Variants in XPNPEP3 observed in about 807,000 individuals in gnomAD.
The protein encoded by XPNPEP3 is xaa-Pro aminopeptidase 3.
In XPNPEP3, 41 loss-of-function variants were observed where a neutral mutation model predicts 60.0. The ratio of observed to expected loss-of-function variants is 0.68; its 90% CI spans 0.53 to 0.89. XPNPEP3 has a LOEUF of 0.89. Ranked by LOEUF, XPNPEP3 falls within the 40% of genes least tolerant of loss-of-function variation. XPNPEP3 has a pLI of 0.00. For synonymous variants in XPNPEP3, 212 were observed against 223.2 expected, an observed-to-expected ratio of 0.95 and a Z score of 0.45; for missense variants, 598 against 638.9, an observed-to-expected ratio of 0.94 and a Z score of 0.69.
In XPNPEP3 at chr22:40,932,235, G is replaced by A. The variant is rs1029352092; in HGVS notation, c.*5800G>A. On this transcript the variant is annotated 3_prime_UTR_variant, in exon 10 of 10. Coordinates refer to ENST00000357137, the MANE Select transcript of XPNPEP3 (RefSeq NM_022098.4). The stretch of plus-strand genomic sequence containing the variant: ...CCCTCAACTAGTGTCTGATAGCTGA[G>A]AATGTAATTCGTTTGTGTGTCTATT... 6.6e-6 allele frequency: 1 copy of A among 152,098 alleles called. No individual in the cohort carries two copies. Among genetic ancestry groups the A allele is most frequent in the Non-Finnish European group, 1.5e-5 (1 of 68,036 alleles). 9.4% of individuals were successfully genotyped at this position (152,098 alleles called of 1,614,324 possible). A position where few individuals can be genotyped will look rare whatever the true frequency, so the allele number is the denominator to read the frequency against.
At chr22:40,878,680 G>C (rs1018789604) in intron 2 of XPNPEP3, among the ~76,000 whole-genome samples, 1 of 151,284 alleles carries the variant, frequency 6.6e-6, no homozygotes, top group African/African-American at 2.4e-5. Context: ...TCTGCCTCCT[G>C]GGTTTAAGCA....
intron 3 of XPNPEP3, among the ~76,000 whole-genome samples, chr22:40,884,915 C>G (rs1185216651): frequency 6.6e-6 from 1 of 151,544 alleles, no homozygotes; most frequent in Non-Finnish European, 1.5e-5. Context: ...GTAATCCCAG[C>G]TACTTGGGAG....
At chr22:40,875,742 G>A (rs557972926) in intron 2 of XPNPEP3, among the ~76,000 whole-genome samples, 6 of 151,976 alleles carry the variant, frequency 3.9e-5, no homozygotes, top group East Asian at 1.9e-4. Context: ...GGCTGGGCAC[G>A]GTGTCTCACA....
chr22:40,868,657 C>G (rs1034871048), intron 1 of XPNPEP3, among the ~76,000 whole-genome samples: 3 of 152,008 alleles, frequency 2.0e-5, no homozygotes, highest in Non-Finnish European at 4.4e-5. Context: ...GAGTTCGAGA[C>G]CAGCCTGGCC....
chr22:40,862,159 A>G (rs2057954208), intron 1 of XPNPEP3: 3 of 1,429,564 alleles, frequency 2.1e-6, no homozygotes, highest in Non-Finnish European at 2.7e-6. Flanking sequence ...GATACTGATT[A>G]TGTGGCAAGC....
intron 2 of XPNPEP3, among the ~76,000 whole-genome samples, chr22:40,871,052 A>C (rs1692533570): frequency 6.6e-6 from 1 of 151,904 alleles, no homozygotes; most frequent in African/African-American, 2.4e-5. Context: ...AAAAAATTTA[A>C]AGGCATGTAA....
At chr22:40,902,618 C>T (rs1465035967) in intron 4 of XPNPEP3, among the ~76,000 whole-genome samples, 2 of 152,064 alleles carry the variant, frequency 1.3e-5, no homozygotes, top group African/African-American at 2.4e-5. Flanking sequence ...CTCCTGACCT[C>T]GTGATCCGCC....
At chr22:40,871,938 C>CA (rs1241058027) in intron 2 of XPNPEP3, among the ~76,000 whole-genome samples, 1 of 152,114 alleles carries the variant, frequency 6.6e-6, no homozygotes, top group Admixed American at 6.5e-5. Flanking sequence ...GAGGCTGAGG[C>CA]AGGAGAATCA....
intron 1 of XPNPEP3, chr22:40,861,917 C>A: frequency 6.2e-7 from 1 of 1,613,578 alleles, no homozygotes; most frequent in Non-Finnish European, 8.5e-7. Flanking sequence ...ATTTAAGTGC[C>A]ACTTTATGAT....
intron 2 of XPNPEP3, among the ~76,000 whole-genome samples, chr22:40,871,768 C>T (rs1287306916): frequency 1.3e-5 from 2 of 152,112 alleles, no homozygotes; most frequent in Admixed American, 1.3e-4. Flanking sequence ...GGCGCGGTGG[C>T]TCACACCTGT....
At chr22:40,901,299 A>G (rs976059911) in intron 4 of XPNPEP3, among the ~76,000 whole-genome samples, 37 of 143,022 alleles carry the variant, frequency 2.6e-4, no homozygotes, top group African/African-American at 9.2e-4. Context: ...CAATGGCCCA[A>G]TCTCTGCTCA....
At chr22:40,885,300 T>C (rs2058064420) in intron 3 of XPNPEP3, among the ~76,000 whole-genome samples, 1 of 152,158 alleles carries the variant, frequency 6.6e-6, no homozygotes, top group Non-Finnish European at 1.5e-5. Flanking sequence ...TGTAGCCTAC[T>C]GTTAGAAAAA....
Position 40,924,444 on chromosome 22 carries a change from T to G in XPNPEP3, c.1319T>G (p.Leu440Arg), listed in dbSNP as rs2058227774. ...VHDTPDMPRSLPLQPGMVITI... is the reference protein window; with the variant it reads ...VHDTPDMPRSRPLQPGMVITI... ...GACACTCCAGACATGCCCCGTTCCC[T>G]CCCTCTGCAGCCTGGGATGGTAATC... Residue 440 changes from leucine (L) to arginine (R), a missense_variant, in exon 9 of 10, where the codon CTC (leucine) becomes CGC (arginine). Transcript: ENST00000357137. 1 of 1,614,040 alleles carries G rather than the reference T, an allele frequency of 6.2e-7. No individual in the cohort carries two copies. Among genetic ancestry groups the G allele is most frequent in the Admixed American group, 1.7e-5 (1 of 59,986 alleles).
chr22:40,891,179 CAAAA>C (rs989825018), intron 4 of XPNPEP3, among the ~76,000 whole-genome samples: 2 of 43,954 alleles, frequency 4.6e-5, no homozygotes, highest in South Asian at 8.5e-4. Flanking sequence ...CCCATTTCTA[CAAAA>C]AAAAAAAAAA....
At position 40,869,096 on chromosome 22, in the gene XPNPEP3, C is replaced by T. The variant is rs571022603; in HGVS notation, c.162C>T (p.His54=). 1.2e-6 allele frequency: 2 copies of T among 1,613,966 alleles called. No homozygotes were observed. The highest frequency in any genetic ancestry group is 1.3e-5 in the African/African-American group (1 of 75,026). Residue 54 remains histidine, a synonymous_variant, in exon 2 of 10, where the codon CAC becomes CAT. Transcript: ENST00000357137. ...TAGGCCAGCCCAGCCCCTTTACACA[C>T]CCACACCTCCTCAGACCAGGTAAGG... is the stretch of plus-strand genomic sequence containing the variant. ...RYLGQPSPFT[H]PHLLRPGEVT...
At chr22:40,865,057 A>T (rs1198132985) in intron 1 of XPNPEP3, among the ~76,000 whole-genome samples, 1 of 152,184 alleles carries the variant, frequency 6.6e-6, no homozygotes, top group Non-Finnish European at 1.5e-5. Context: ...TTCTGCAGTT[A>T]TACCCTTCTT....
chr22:40,893,757 C>T (rs187660778), intron 4 of XPNPEP3, among the ~76,000 whole-genome samples: 8 of 152,122 alleles, frequency 5.3e-5, no homozygotes, highest in African/African-American at 1.9e-4. Flanking sequence ...GCTGGGATTA[C>T]AGGCATGTGC....
intron 4 of XPNPEP3, among the ~76,000 whole-genome samples, chr22:40,891,488 A>C (rs2058088244): frequency 6.6e-6 from 1 of 151,214 alleles, no homozygotes; most frequent in Non-Finnish European, 1.5e-5. Context: ...CCCCGTCTCT[A>C]CTAAAAATAC....
chr22:40,924,398 T>A lies in XPNPEP3; in HGVS notation c.1273T>A (p.Tyr425Asn). The change falls in exon 9 of 10, where the codon TAC becomes AAC. Residue 425 changes from tyrosine to asparagine, a missense_variant. Physicochemically the swap from Tyr to Asn is moderately radical, Grantham distance 143 (BLOSUM62 -2). Coordinates refer to ENST00000357137, the MANE Select transcript of XPNPEP3 (RefSeq NM_022098.4). ...ATACTGTCCTCATCATGTTGGCCAC[T>A]ACCTCGGGATGGATGTCCATGACAC... ...RKYCPHHVGH[Y>N]LGMDVHDTPD... 5 of 1,614,144 alleles carry A rather than the reference T, an allele frequency of 3.1e-6. No individual in the cohort carries two copies. In the Middle Eastern group the frequency reaches 4.9e-4, roughly 160 times the overall value.
Sources: allele counts gnomAD v4.1 joint callset (sites outside exome capture counted in the v4.1 genomes callset), GRCh38; gene constraint gnomAD v4.1.1; transcripts MANE v1.5; gene names NCBI Gene and HGNC (gene_info 2026-07-23, HGNC 2026-07-21).